SNTG1: variants seen among roughly 807,000 people sequenced by gnomAD.
SNTG1 encodes gamma-1-syntrophin.
SNTG1 carries 39 observed loss-of-function variants against 74.7 expected under a neutral mutation model. The ratio of observed to expected loss-of-function variants is 0.52; its 90% CI spans 0.40 to 0.68. SNTG1 has a LOEUF of 0.68. SNTG1 is among the 30% of genes least tolerant of loss of function. The pLI, the probability that SNTG1 is intolerant of heterozygous loss-of-function variation, is 0.00. For synonymous variants in SNTG1, 254 were observed against 217.1 expected (o/e 1.17, Z -1.49); for missense variants, 685 against 609.5 (o/e 1.12, Z -1.30).
In SNTG1 at chr8:50,309,679, G is replaced by A. The variant is rs112331342; in HGVS notation, c.-27-84533G>A. On this transcript the variant is annotated intron_variant, in intron 2 of 18. Transcript: ENST00000642720. Reference sequence around the variant, plus strand: ...ATACCATATCTTAGTAGCGGTTTAGGTATGCAGCTATTTTAAAGAAGAGTG... The same window carrying A: ...ATACCATATCTTAGTAGCGGTTTAGATATGCAGCTATTTTAAAGAAGAGTG... Among the ~76,000 whole-genome samples the A allele has an allele frequency of 6.5e-4, 99 of 152,168 alleles. 1 individual carries two copies. Among genetic ancestry groups the A allele is most frequent in the African/African-American group, 2.2e-3 (90 of 41,454 alleles).
At chr8:49,917,307 G>A (rs1336922234) in intron 1 of SNTG1, among the ~76,000 whole-genome samples, 1 of 152,026 alleles carries the variant, frequency 6.6e-6, no homozygotes, top group South Asian at 2.1e-4. Flanking sequence ...ATGTTTAGTT[G>A]AACTCATAAA....
intron 11 of SNTG1, among the ~76,000 whole-genome samples, chr8:50,550,724 C>T (rs1008526268): frequency 6.7e-5 from 10 of 150,298 alleles, no homozygotes; most frequent in African/African-American, 2.5e-4. Flanking sequence ...ATAATTTTGT[C>T]TGAGTATCCA....
At chr8:50,071,497 G>T (rs887518573) in intron 1 of SNTG1, among the ~76,000 whole-genome samples, 1 of 151,802 alleles carries the variant, frequency 6.6e-6, no homozygotes, top group East Asian at 1.9e-4. Flanking sequence ...ATTTATTTTT[G>T]AGTGGAATTT....
At chr8:50,783,797 G>T (rs970054811) in intron 18 of SNTG1, among the ~76,000 whole-genome samples, 4 of 152,192 alleles carry the variant, frequency 2.6e-5, no homozygotes, top group African/African-American at 7.2e-5. Context: ...CGTCGCTCAC[G>T]CTGGGAGCTG....
At chr8:50,227,077 G>A (rs1183253375) in intron 2 of SNTG1, among the ~76,000 whole-genome samples, 2 of 152,096 alleles carry the variant, frequency 1.3e-5, no homozygotes, top group Non-Finnish European at 2.9e-5. Context: ...GAAAATCAAT[G>A]ATTTTTTTTG....
intron 2 of SNTG1, among the ~76,000 whole-genome samples, chr8:50,320,973 A>C (rs896339678): frequency 6.6e-6 from 1 of 152,100 alleles, no homozygotes; most frequent in African/African-American, 2.4e-5. Flanking sequence ...CTGAGGAAAA[A>C]AATATGTATT....
chr8:50,570,231 ATT>A (rs1268221356), intron 12 of SNTG1, among the ~76,000 whole-genome samples: 12 of 51,244 alleles, frequency 2.3e-4, no homozygotes, highest in Admixed American at 4.9e-4. Context: ...TTCTATTTTT[ATT>A]TTATTTTATT....
intron 2 of SNTG1, among the ~76,000 whole-genome samples, chr8:50,369,773 T>G (rs975742284): frequency 2.6e-5 from 4 of 152,058 alleles, no homozygotes; most frequent in African/African-American, 9.7e-5. Context: ...AGTGATACAT[T>G]TTTGTTGTTT....
chr8:49,970,731 T>G (rs1319450823), intron 1 of SNTG1, among the ~76,000 whole-genome samples: 1 of 152,212 alleles, frequency 6.6e-6, no homozygotes, highest in Non-Finnish European at 1.5e-5. Context: ...CTAGTGAGAC[T>G]GGCAAACCAC....
chr8:50,171,840 T>C (rs932835689), intron 1 of SNTG1, among the ~76,000 whole-genome samples: 2 of 152,188 alleles, frequency 1.3e-5, no homozygotes, highest in Non-Finnish European at 2.9e-5. Context: ...ACAGAAGCAA[T>C]GCTTATGGAG....
At chr8:50,785,303 A>G (rs765224990) in intron 18 of SNTG1, among the ~76,000 whole-genome samples, 5 of 151,914 alleles carry the variant, frequency 3.3e-5, no homozygotes, top group Non-Finnish European at 7.4e-5. Flanking sequence ...CTAGATAACC[A>G]AACAGCGAGA....
chr8:50,009,867 T>A (rs759329998), intron 1 of SNTG1, among the ~76,000 whole-genome samples: 8 of 152,180 alleles, frequency 5.3e-5, no homozygotes, highest in Admixed American at 2.6e-4. Flanking sequence ...GGCACGGTGA[T>A]GCATGCCTGT....
intron 8 of SNTG1, among the ~76,000 whole-genome samples, chr8:50,479,359 G>A (rs940553261): frequency 7.2e-5 from 11 of 152,034 alleles, no homozygotes; most frequent in African/African-American, 2.2e-4. Context: ...CTGATGCCAC[G>A]TTTCTGACTG....
At chr8:50,059,719 T>C (rs1259771623) in intron 1 of SNTG1, among the ~76,000 whole-genome samples, 2 of 152,180 alleles carry the variant, frequency 1.3e-5, no homozygotes, top group Non-Finnish European at 1.5e-5. Context: ...GACTATATCA[T>C]ATTTTACTTA....
chr8:49,994,161 G>A (rs1026480204), intron 1 of SNTG1, among the ~76,000 whole-genome samples: 13 of 151,394 alleles, frequency 8.6e-5, no homozygotes, highest in Admixed American at 2.6e-4. Flanking sequence ...AATATGCTTC[G>A]TCTTAGTATA....
At chr8:50,753,448 A>G (rs1461220550) in intron 18 of SNTG1, among the ~76,000 whole-genome samples, 1 of 151,922 alleles carries the variant, frequency 6.6e-6, no homozygotes, top group Non-Finnish European at 1.5e-5. Flanking sequence ...CTGATGGGGA[A>G]CCTCAACCAC....
chr8:49,969,754 G>A (rs1811487315), intron 1 of SNTG1, among the ~76,000 whole-genome samples: 1 of 152,042 alleles, frequency 6.6e-6, no homozygotes. Context: ...GTGGGGTCAG[G>A]TTAAAGAAGA....
intron 2 of SNTG1, among the ~76,000 whole-genome samples, chr8:50,185,664 G>T (rs1201144980): frequency 6.6e-6 from 1 of 152,074 alleles, no homozygotes; most frequent in East Asian, 1.9e-4. Context: ...TTGGTTAAGA[G>T]AAATCACACC....
At position 50,506,860 on chromosome 8, in the gene SNTG1, T is replaced by A. The variant is rs889748246; in HGVS notation, c.466+3980T>A. On this transcript the variant is annotated intron_variant, in intron 9 of 18. Coordinates refer to ENST00000642720, the MANE Select transcript of SNTG1 (RefSeq NM_018967.5). ...TTTGGTTGTATGTTGAATAGAAGAC[T>A]TGAGAGTGGGCATCCTTGCCTTATT... 4.6e-5 allele frequency among the ~76,000 whole-genome samples: 7 copies of A among 152,080 alleles called. No individual in the cohort carries two copies. In the South Asian group the frequency reaches 6.2e-4, roughly 13 times the overall value.
Sources: gnomAD v4.1 joint callset for allele counts (sites outside exome capture counted in the v4.1 genomes callset) on GRCh38, gnomAD v4.1.1 for gene constraint, MANE v1.5 for transcripts, NCBI Gene and HGNC (gene_info 2026-07-23, HGNC 2026-07-21) for gene names.